ZNF420: variants seen among roughly 807,000 people sequenced by gnomAD.
ZNF420 encodes ATM and p53-associated KZNF protein.
ZNF420 carries 31 observed loss-of-function variants against 44.7 expected under a neutral mutation model. The ratio of observed to expected loss-of-function variants is 0.69; its 90% CI spans 0.52 to 0.94. ZNF420 has a LOEUF of 0.94. ZNF420 is among the 40% of genes least tolerant of loss of function. ZNF420 has a pLI of 0.00. For synonymous variants in ZNF420, 245 were observed against 267.4 expected (o/e 0.92, Z 0.82); for missense variants, 681 against 827.9 (o/e 0.82, Z 2.18).
intron 1 of ZNF420, among the ~76,000 whole-genome samples, chr19:37,041,720 C>T (rs564753464): frequency 6.0e-4 from 91 of 152,218 alleles, no homozygotes; most frequent in African/African-American, 2.1e-3. Flanking sequence ...AATTCACAAC[C>T]AGCTATTACT....
At chr19:37,058,978 C>T (rs1162792778) in intron 1 of ZNF420, among the ~76,000 whole-genome samples, 1 of 152,190 alleles carries the variant, frequency 6.6e-6, no homozygotes, top group Non-Finnish European at 1.5e-5. Flanking sequence ...TCAGCTGATA[C>T]CACGCCTTGA....
chr19:37,107,561 T>G (rs1970163009), intron 4 of ZNF420: 1 of 152,126 alleles, frequency 6.6e-6, no homozygotes, highest in Non-Finnish European at 1.5e-5. Context: ...GTCTACTTAT[T>G]TCTGCATAGA....
At chr19:37,086,911 T>C (rs1158983648) in intron 2 of ZNF420, among the ~76,000 whole-genome samples, 2 of 152,208 alleles carry the variant, frequency 1.3e-5, no homozygotes, top group African/African-American at 4.8e-5. Context: ...TACCATTTTT[T>C]TATTGGAATG....
intron 1 of ZNF420, among the ~76,000 whole-genome samples, chr19:37,060,043 G>T (rs1967846658): frequency 6.6e-6 from 1 of 152,102 alleles, no homozygotes; most frequent in African/African-American, 2.4e-5. Context: ...CACGTGGCTG[G>T]TTGTCTCGTT....
chr19:37,069,474 T>C (rs773859383), intron 1 of ZNF420, among the ~76,000 whole-genome samples: 5 of 152,058 alleles, frequency 3.3e-5, no homozygotes, highest in Non-Finnish European at 5.9e-5. Flanking sequence ...AAGTTGAAAA[T>C]ATCATTAAGT....
At chr19:37,008,518 CA>C (rs1457893136) in intron 1 of ZNF420, among the ~76,000 whole-genome samples, 1 of 152,174 alleles carries the variant, frequency 6.6e-6, no homozygotes, top group Non-Finnish European at 1.5e-5. Context: ...CAGCCAAGGA[CA>C]AAAGCATCAG....
intron 4 of ZNF420, among the ~76,000 whole-genome samples, chr19:37,093,419 C>T (rs935957296): frequency 1.3e-5 from 2 of 152,124 alleles, no homozygotes; most frequent in South Asian, 2.1e-4. Flanking sequence ...GATGGTATTT[C>T]ACCTTGTTGG....
chr19:37,101,088 A>C (rs2146598254), intron 4 of ZNF420, among the ~76,000 whole-genome samples: 1 of 148,914 alleles, frequency 6.7e-6, no homozygotes, highest in Admixed American at 6.8e-5. Context: ...ATTTTTGTAC[A>C]TTGATTTTGT....
At chr19:37,069,973 T>C (rs1775883418) in intron 1 of ZNF420, among the ~76,000 whole-genome samples, 1 of 152,102 alleles carries the variant, frequency 6.6e-6, no homozygotes. Context: ...AAAATAGTTA[T>C]ATTATGGAGA....
At chr19:37,112,251 G>A (rs541546544) in intron 4 of ZNF420, among the ~76,000 whole-genome samples, 12 of 151,876 alleles carry the variant, frequency 7.9e-5, no homozygotes, top group African/African-American at 2.4e-4. Flanking sequence ...CCCTTTCCTG[G>A]TATATATCCC....
At chr19:37,009,063 C>T (rs752079625) in intron 1 of ZNF420, among the ~76,000 whole-genome samples, 1 of 152,160 alleles carries the variant, frequency 6.6e-6, no homozygotes, top group Non-Finnish European at 1.5e-5. Context: ...GGTAGGCGAC[C>T]GTGGCTGGCC....
chr19:37,118,603 A>G (rs1377491355), intron 4 of ZNF420, among the ~76,000 whole-genome samples: 1 of 152,164 alleles, frequency 6.6e-6, no homozygotes, highest in Non-Finnish European at 1.5e-5. Context: ...TGACAGGATC[A>G]AATTCACACA....
chr19:37,103,883 C>G (rs1356218724), intron 4 of ZNF420, among the ~76,000 whole-genome samples: 1 of 151,938 alleles, frequency 6.6e-6, no homozygotes, highest in Non-Finnish European at 1.5e-5. Context: ...ACATTTTCCT[C>G]TTGATATAGC....
chr19:37,091,347 A>G, intron 4 of ZNF420: 1 of 313,986 alleles, frequency 3.2e-6, no homozygotes, highest in South Asian at 7.8e-5. Flanking sequence ...CTGATGAACA[A>G]AGGGCTAGAT....
rs1301762448 is a variant in ZNF420, at chr19:37,055,555, CGTTTAAAGGG to C, written c.-124-24788_-124-24779del. 1.5e-4 allele frequency among the ~76,000 whole-genome samples: 23 copies of C among 152,214 alleles called. 1 individual carries two copies. Among genetic ancestry groups the C allele is most frequent in the Admixed American group, 1.5e-3 (23 of 15,290 alleles). ...GCCCCCGTCCACGCAGAGCCGAAAC[CGTTTAAAGGG>C]GCTACAGCCTGACTTCCAAGGGCAA... On this transcript the variant is annotated intron_variant, in intron 1 of 4. Coordinates refer to the ZNF420 transcript ENST00000587029.
At chr19:37,122,883 G>T (rs546714236) in intron 4 of ZNF420, among the ~76,000 whole-genome samples, 1 of 152,254 alleles carries the variant, frequency 6.6e-6, no homozygotes, top group East Asian at 1.9e-4. Context: ...TTGTAATCCA[G>T]ATACCTCCCC....
chr19:37,094,452 A>G (rs180804660), intron 4 of ZNF420, among the ~76,000 whole-genome samples: 2 of 152,162 alleles, frequency 1.3e-5, no homozygotes, highest in African/African-American at 2.4e-5. Context: ...TTTAATGTCA[A>G]TGGTATTTTA....
At chr19:37,073,727 A>G (rs1319367236), upstream of ZNF420, among the ~76,000 whole-genome samples, 2 of 149,532 alleles carry the variant, frequency 1.3e-5, no homozygotes, top group Non-Finnish European at 3.0e-5. Flanking sequence ...TCTTGGCGAC[A>G]GAGCGAGACT....
Position 37,128,813 on chromosome 19 carries a change from A to G in ZNF420, c.1822A>G (p.Ile608Val). The G allele has an allele frequency of 1.2e-6, 2 of 1,613,946 alleles. No individual in the cohort carries two copies. Among genetic ancestry groups the G allele is most frequent in the Non-Finnish European group, 1.7e-6 (2 of 1,179,968 alleles). ...HGSQLTLHQRIHTGEKPYECR... is the reference protein window; with the variant it reads ...HGSQLTLHQRVHTGEKPYECR... ...CTCTCAGCTTACTCTACATCAGAGA[A>G]TCCATACTGGTGAGAAGCCCTATGA... The change falls in exon 5 of 5, where the codon ATC (isoleucine) becomes GTC (valine). Residue 608 changes from isoleucine to valine, a missense_variant. This residue lies in a region of ZNF420 where 280 missense variants were observed against 338.6 expected (regional missense o/e 0.83). Transcript: ENST00000337995.
Sources: gnomAD v4.1 joint callset for allele counts (sites outside exome capture counted in the v4.1 genomes callset) on GRCh38, gnomAD v4.1.1 for gene constraint, gnomAD v4.1.1 regional missense constraint, MANE v1.5 for transcripts, NCBI Gene and HGNC (gene_info 2026-07-23, HGNC 2026-07-21) for gene names.